The following IL7 variants were observed in gnomAD, a reference collection of about 807,000 sequenced individuals.
The protein encoded by IL7 is interleukin 7, also known as interleukin-7.
In IL7, 3 loss-of-function variants were observed where a neutral mutation model predicts 21.6. The observed-to-expected ratio is 0.14, with a 90% CI of 0.06 to 0.36. IL7 has a LOEUF of 0.36. IL7 is among the 10% of genes least tolerant of loss of function. IL7 has a pLI of 1.00. For missense variants in IL7, 175 were observed against 200.2 expected (o/e 0.87, Z 0.76); for synonymous variants, 62 against 68.1 (o/e 0.91, Z 0.44).
intron 3 of IL7, among the ~76,000 whole-genome samples, chr8:78,697,775 T>C (rs1174321203): frequency 6.6e-6 from 1 of 151,630 alleles, no homozygotes; most frequent in Admixed American, 6.6e-5. Flanking sequence ...GCCTCCCAGG[T>C]TCAAATGATT....
chr8:78,768,283 C>T (rs1055631426), intron 2 of IL7, among the ~76,000 whole-genome samples: 2 of 152,092 alleles, frequency 1.3e-5, no homozygotes. Flanking sequence ...TGGGTATATA[C>T]CCAGTAATGG....
At chr8:78,759,406 G>A (rs1812469433) in intron 2 of IL7, among the ~76,000 whole-genome samples, 1 of 140,698 alleles carries the variant, frequency 7.1e-6, no homozygotes, top group Non-Finnish European at 1.5e-5. Context: ...AAGAGTCATG[G>A]AAAAAAGACA....
chr8:78,681,959 G>A (rs1023557663), intron 4 of IL7, among the ~76,000 whole-genome samples: 3 of 140,056 alleles, frequency 2.1e-5, no homozygotes, highest in African/African-American at 8.1e-5. Context: ...CCAGGCTGGT[G>A]TTGAACTCCT....
chr8:78,716,779 G>A (rs1056942584), downstream of IL7, among the ~76,000 whole-genome samples: 2 of 152,118 alleles, frequency 1.3e-5, no homozygotes, highest in African/African-American at 4.8e-5. Context: ...GTTAGAGGAG[G>A]GGCCTGGTGA....
chr8:78,717,340 C>T, downstream of IL7: 1 of 1,607,302 alleles, frequency 6.2e-7, no homozygotes, highest in African/African-American at 1.3e-5. Flanking sequence ...CAGATGGGGA[C>T]TGTGCATCTT....
chr8:78,799,946 C>A (rs1325336028), intron 1 of IL7, among the ~76,000 whole-genome samples: 1 of 152,078 alleles, frequency 6.6e-6, no homozygotes, highest in Non-Finnish European at 1.5e-5. Context: ...TAAGGGGGAC[C>A]AGAGCAGATT....
chr8:78,783,194 A>T (rs773053570), intron 2 of IL7, among the ~76,000 whole-genome samples: 3 of 152,150 alleles, frequency 2.0e-5, no homozygotes, highest in Non-Finnish European at 4.4e-5. Flanking sequence ...CCACTGAGAG[A>T]ATATGCACTG....
intron 2 of IL7, among the ~76,000 whole-genome samples, chr8:78,755,975 T>C (rs1812333047): frequency 6.6e-6 from 1 of 152,012 alleles, no homozygotes; most frequent in African/African-American, 2.4e-5. Context: ...TAATAATATA[T>C]GGCCTTTATT....
intron 3 of IL7, chr8:78,686,472 A>G: frequency 6.9e-7 from 1 of 1,448,854 alleles, no homozygotes; most frequent in Non-Finnish European, 9.1e-7. Flanking sequence ...TATAGCCAGA[A>G]CCACCAAAGA....
chr8:78,686,849 A>G lies in IL7; in HGVS notation n.215-902T>C, dbSNP rs140068267. ...ACTTTTATTTAAACAAGGCATTATA[A>G]TATCATTTAAAAATTATTATAGTAA... On this transcript the variant is annotated intron_variant and non_coding_transcript_variant, in intron 3 of 4. Coordinates refer to the IL7 transcript ENST00000523959. 5.9e-3 allele frequency among the ~76,000 whole-genome samples: 898 copies of G among 152,234 alleles called. 9 individuals are homozygous for G. The highest frequency in any genetic ancestry group is 0.02 in the African/African-American group (842 of 41,550).
At chr8:78,783,982 A>G (rs1813427003) in intron 2 of IL7, among the ~76,000 whole-genome samples, 1 of 152,240 alleles carries the variant, frequency 6.6e-6, no homozygotes, top group African/African-American at 2.4e-5. Context: ...TATGAGTAGC[A>G]CATAAACCAA....
intron 2 of IL7, among the ~76,000 whole-genome samples, chr8:78,749,931 G>C (rs1812109727): frequency 6.6e-6 from 1 of 152,048 alleles, no homozygotes; most frequent in Non-Finnish European, 1.5e-5. Context: ...CAGCTACTCA[G>C]GTTGAAATAG....
chr8:78,793,882 T>G (rs1027880236), intron 2 of IL7, among the ~76,000 whole-genome samples: 5 of 152,170 alleles, frequency 3.3e-5, no homozygotes, highest in African/African-American at 1.2e-4. Context: ...TCAGCAATGT[T>G]CACAGCATCT....
chr8:78,800,987 T>C (rs1814037730), intron 1 of IL7, among the ~76,000 whole-genome samples: 1 of 152,212 alleles, frequency 6.6e-6, no homozygotes, highest in South Asian at 2.1e-4. Flanking sequence ...GCTCCTCAAA[T>C]TTAAATCAAC....
chr8:78,728,146 ACC>A (rs1811367028), downstream of IL7, among the ~76,000 whole-genome samples: 1 of 151,988 alleles, frequency 6.6e-6, no homozygotes, highest in Non-Finnish European at 1.5e-5. Context: ...AGAGAAATAT[ACC>A]ATGTTCCTTA....
intron 6 of IL7, chr8:78,718,472 G>T (rs1811172716): frequency 6.6e-6 from 1 of 151,856 alleles, no homozygotes; most frequent in Non-Finnish European, 1.5e-5. Context: ...AATCATTAGT[G>T]CAGAGCATGC....
In IL7 at chr8:78,805,103, A is replaced by AG. The variant is rs1814284119; in HGVS notation, c.-182dup. 6 of 601,746 alleles carry AG rather than the reference A, an allele frequency of 1.0e-5. No homozygotes were observed. Among genetic ancestry groups the AG allele is most frequent in the African/African-American group, 1.9e-5 (1 of 52,294 alleles). The allele number at this position is 601,746 out of a possible 1,614,324, so 37.3% of individuals were successfully genotyped here. Reference sequence around the variant, plus strand: ...CGCGACTGCAGTTTCATCCATCCCAAGGGGGGCGGCACACACTACGGCGTG... The same window carrying AG: ...CGCGACTGCAGTTTCATCCATCCCAAGGGGGGGCGGCACACACTACGGCGTG... On this transcript the variant is annotated 5_prime_UTR_variant, in exon 1 of 6. Coordinates refer to ENST00000263851, the MANE Select transcript of IL7 (RefSeq NM_000880.4).
At chr8:78,760,116 T>G in intron 2 of IL7, 4 of 1,498,216 alleles carry the variant, frequency 2.7e-6, no homozygotes, top group Non-Finnish European at 3.5e-6. Flanking sequence ...ATATCAAATA[T>G]AAGAAAGCCT....
intron 2 of IL7, among the ~76,000 whole-genome samples, chr8:78,745,208 A>G (rs1811939032): frequency 6.6e-6 from 1 of 152,288 alleles, no homozygotes; most frequent in South Asian, 2.1e-4. Flanking sequence ...GTTTTCTTCT[A>G]TCTTTGAATT....
Sources: gnomAD v4.1 joint callset for allele counts (sites outside exome capture counted in the v4.1 genomes callset) on GRCh38, gnomAD v4.1.1 for gene constraint, MANE v1.5 for transcripts, NCBI Gene and HGNC (gene_info 2026-07-23, HGNC 2026-07-21) for gene names.